Variants in UNC13C observed in about 807,000 individuals in gnomAD.
The protein encoded by UNC13C is protein unc-13 homolog C.
Under a neutral mutation model 245.4 loss-of-function variants are expected in UNC13C, and 174 were observed. The observed-to-expected ratio is 0.71, with a 90% confidence interval of 0.63 to 0.80. The LOEUF is 0.80. Among genes scored for constraint, UNC13C ranks in the 30% least tolerant of loss-of-function variants. The pLI is 0.00. For missense variants in UNC13C, 2,829 were observed against 2,602.9 expected, an observed-to-expected ratio of 1.09 and a Z score of -1.89; for synonymous variants, 992 against 895.1, an observed-to-expected ratio of 1.11 and a Z score of -1.93.
At chr15:54,195,419 G>C (rs1454465379) in intron 4 of UNC13C, among the ~76,000 whole-genome samples, 1 of 152,174 alleles carries the variant, frequency 6.6e-6, no homozygotes, top group Admixed American at 6.6e-5. Context: ...GTTTTGGAAA[G>C]AGCTGTGGGG....
At chr15:54,318,822 AT>A (rs1183023480) in intron 13 of UNC13C, among the ~76,000 whole-genome samples, 2 of 151,934 alleles carry the variant, frequency 1.3e-5, no homozygotes, top group Admixed American at 6.6e-5. Context: ...TATCAAAAAA[AT>A]AATTATGTCA....
At chr15:54,386,616 T>C (rs2039842625) in intron 17 of UNC13C, among the ~76,000 whole-genome samples, 1 of 152,220 alleles carries the variant, frequency 6.6e-6, no homozygotes, top group Admixed American at 6.5e-5. Context: ...GGTCAGTTGC[T>C]GCAAAGGTTG....
At chr15:54,024,232 G>T (rs1437769944) in intron 2 of UNC13C, among the ~76,000 whole-genome samples, 1 of 152,104 alleles carries the variant, frequency 6.6e-6, no homozygotes, top group Non-Finnish European at 1.5e-5. Flanking sequence ...AAAGCATTTA[G>T]GACTCTAACT....
chr15:53,961,268 C>T, the UNC13C span, among the ~76,000 whole-genome samples: 29 of 152,356 alleles, frequency 1.9e-4, no homozygotes, highest in East Asian at 4.1e-3. Context: ...GCCCCTGAGC[C>T]TTGGTGCTCT....
chr15:53,922,453 T>C, the UNC13C span, among the ~76,000 whole-genome samples: 1 of 152,228 alleles, frequency 6.6e-6, no homozygotes, highest in Admixed American at 6.5e-5. Context: ...TGGGGGCAAA[T>C]GGCTAATTCA....
At chr15:54,262,981 T>C (rs145553983) in intron 8 of UNC13C, among the ~76,000 whole-genome samples, 9 of 152,308 alleles carry the variant, frequency 5.9e-5, no homozygotes, top group Non-Finnish European at 1.2e-4. Flanking sequence ...ATTCACAAAT[T>C]AGGTTCAAAG....
At chr15:54,000,597 T>A (rs1330281288) in intron 1 of UNC13C, among the ~76,000 whole-genome samples, 1 of 152,130 alleles carries the variant, frequency 6.6e-6, no homozygotes, top group East Asian at 1.9e-4. Context: ...TCTTAGAAAA[T>A]CACATTAGAA....
chr15:54,115,623 TA>T (rs2030186987), intron 2 of UNC13C, among the ~76,000 whole-genome samples: 1 of 152,142 alleles, frequency 6.6e-6, no homozygotes, highest in African/African-American at 2.4e-5. Flanking sequence ...ATTTTAAAAA[TA>T]ATTTTATTTT....
intron 30 of UNC13C, among the ~76,000 whole-genome samples, chr15:54,576,567 TA>T (rs1433280278): frequency 6.6e-6 from 1 of 152,186 alleles, no homozygotes; most frequent in Non-Finnish European, 1.5e-5. Context: ...TTTTAAGTAA[TA>T]AACAGAGGAA....
the UNC13C span, among the ~76,000 whole-genome samples, chr15:53,946,291 A>G: frequency 0.013 from 1,947 of 152,144 alleles, 40 homozygotes; most frequent in African/African-American, 0.045. Flanking sequence ...GTGGTGAGTG[A>G]GGACATCCTT....
At chr15:54,283,221 G>T (rs570843712) in intron 10 of UNC13C, among the ~76,000 whole-genome samples, 105 of 152,182 alleles carry the variant, frequency 6.9e-4, no homozygotes, top group African/African-American at 2.5e-3. Context: ...CTAGGCATCT[G>T]GCTGCCTCCT....
chr15:54,061,041 A>G (rs1256594659), intron 2 of UNC13C, among the ~76,000 whole-genome samples: 2 of 152,274 alleles, frequency 1.3e-5, no homozygotes, highest in African/African-American at 2.4e-5. Flanking sequence ...TGGGTGCAGC[A>G]CACCAACGTG....
intron 13 of UNC13C, among the ~76,000 whole-genome samples, chr15:54,307,896 A>G (rs1310598460): frequency 6.6e-6 from 1 of 152,012 alleles, no homozygotes; most frequent in Non-Finnish European, 1.5e-5. Context: ...ATAAAATTCT[A>G]ACTTATCACT....
intron 17 of UNC13C, among the ~76,000 whole-genome samples, chr15:54,380,572 A>G (rs1174778168): frequency 2.0e-5 from 3 of 152,156 alleles, no homozygotes; most frequent in Non-Finnish European, 4.4e-5. Flanking sequence ...ACTGATTTAC[A>G]TTCCCATCAA....
At chr15:54,198,434 C>T (rs543973350) in intron 4 of UNC13C, among the ~76,000 whole-genome samples, 8 of 152,230 alleles carry the variant, frequency 5.3e-5, no homozygotes, top group African/African-American at 7.2e-5. Context: ...AAAAACACAA[C>T]CAAGGATCCT....
chr15:54,013,606 T>C lies in UNC13C; in HGVS notation c.703T>C (p.Cys235Arg), dbSNP rs376878856. ...ALEPGFSSSG[C>R]ISQTHDVMEM... ...GGAGCCAGGGTTCAGTTCCTCTGGC[T>C]GCATTAGCCAAACACATGATGTCAT... Residue 235 changes from cysteine (C) to arginine (R), a missense_variant, in exon 2 of 33, where the codon TGC becomes CGC. Physicochemically the swap from Cys to Arg is radical, Grantham distance 180. Coordinates refer to ENST00000260323, the MANE Select transcript of UNC13C (RefSeq NM_001080534.3). 6.2e-7 allele frequency: 1 copy of C among 1,613,562 alleles called. No homozygotes were observed. The highest frequency in any genetic ancestry group is 8.5e-7 in the Non-Finnish European group (1 of 1,179,764).
At chr15:54,458,063 C>T (rs1262968138) in intron 19 of UNC13C, among the ~76,000 whole-genome samples, 1 of 151,736 alleles carries the variant, frequency 6.6e-6, no homozygotes, top group Non-Finnish European at 1.5e-5. Flanking sequence ...TTGCTGTATC[C>T]CACAGATTTT....
At chr15:54,069,298 CTA>C (rs1485886375) in intron 2 of UNC13C, among the ~76,000 whole-genome samples, 1 of 152,136 alleles carries the variant, frequency 6.6e-6, no homozygotes, top group Non-Finnish European at 1.5e-5. Context: ...TGCAAAGGTT[CTA>C]TGATACCAGT....
intron 2 of UNC13C, among the ~76,000 whole-genome samples, chr15:54,025,193 A>G (rs963048588): frequency 6.6e-6 from 1 of 152,184 alleles, no homozygotes; most frequent in Non-Finnish European, 1.5e-5. Flanking sequence ...ACTGCCCTCA[A>G]CATATCCTTC....
Sources: gnomAD v4.1 joint callset for allele counts (sites outside exome capture counted in the v4.1 genomes callset) on GRCh38, gnomAD v4.1.1 for gene constraint, MANE v1.5 for transcripts, NCBI Gene and HGNC (gene_info 2026-07-23, HGNC 2026-07-21) for gene names.